DMRT1: variants seen among roughly 807,000 people sequenced by gnomAD.
The protein encoded by DMRT1 is doublesex and mab-3 related transcription factor 1.
Under a neutral mutation model 32.3 loss-of-function variants are expected in DMRT1, and 7 were observed. The observed-to-expected ratio is 0.22, with a 90% CI of 0.12 to 0.41. The LOEUF is 0.41. Ranked by LOEUF, DMRT1 falls within the 10% of genes least tolerant of loss-of-function variation. The probability of loss-of-function intolerance (pLI) is 1.00; values close to 1 mark genes in which losing one functional copy is unlikely to be tolerated. For synonymous variants in DMRT1, 278 were observed against 206.1 expected, an observed-to-expected ratio of 1.35 and a Z score of -2.99; for missense variants, 625 against 500.5, an observed-to-expected ratio of 1.25 and a Z score of -2.37.
At chr9:893,149 G>A (rs1029385412) in intron 2 of DMRT1, among the ~76,000 whole-genome samples, 2 of 152,180 alleles carry the variant, frequency 1.3e-5, no homozygotes, top group African/African-American at 2.4e-5. Context: ...GCTGGCAGAC[G>A]TTTCAGGCAC....
At chr9:950,073 A>C (rs1449435921) in intron 4 of DMRT1, among the ~76,000 whole-genome samples, 1 of 152,094 alleles carries the variant, frequency 6.6e-6, no homozygotes, top group Non-Finnish European at 1.5e-5. Context: ...TTGAATATAC[A>C]CTCAGAAGTA....
chr9:929,800 T>A (rs1187707046), intron 4 of DMRT1, among the ~76,000 whole-genome samples: 1 of 152,154 alleles, frequency 6.6e-6, no homozygotes, highest in Non-Finnish European at 1.5e-5. Context: ...CCCCAGGATG[T>A]AAACTGATGG....
intron 3 of DMRT1, among the ~76,000 whole-genome samples, chr9:899,383 C>A (rs1035952725): frequency 1.3e-5 from 2 of 152,098 alleles, no homozygotes; most frequent in African/African-American, 4.8e-5. Flanking sequence ...AACAAGCAAG[C>A]CACGAATAAT....
chr9:899,864 A>G (rs975794869), intron 3 of DMRT1, among the ~76,000 whole-genome samples: 63 of 152,140 alleles, frequency 4.1e-4, no homozygotes, highest in Admixed American at 1.1e-3. Flanking sequence ...TGCTTTTCCA[A>G]AGCTTGTGCC....
intron 4 of DMRT1, among the ~76,000 whole-genome samples, chr9:929,731 C>G (rs1299484812): frequency 6.6e-6 from 1 of 152,114 alleles, no homozygotes; most frequent in Non-Finnish European, 1.5e-5. Context: ...CCAGGCCTAA[C>G]AGTGACTCTT....
chr9:945,046 T>G (rs1044789585), intron 4 of DMRT1, among the ~76,000 whole-genome samples: 1 of 152,174 alleles, frequency 6.6e-6, no homozygotes, highest in Non-Finnish European at 1.5e-5. Flanking sequence ...TACTACAAGT[T>G]TTATCCACAA....
chr9:949,387 A>T (rs1358365663), intron 4 of DMRT1, among the ~76,000 whole-genome samples: 2 of 151,862 alleles, frequency 1.3e-5, no homozygotes, highest in African/African-American at 4.8e-5. Context: ...ACCCCAAAAA[A>T]CCCACAAAAA....
chr9:847,945 A>G (rs1355317622), intron 2 of DMRT1, among the ~76,000 whole-genome samples: 1 of 152,258 alleles, frequency 6.6e-6, no homozygotes, highest in African/African-American at 2.4e-5. Flanking sequence ...CATACTGGAT[A>G]ATGCATTGCT....
At chr9:955,852 G>A (rs1819583144) in intron 4 of DMRT1, among the ~76,000 whole-genome samples, 1 of 152,218 alleles carries the variant, frequency 6.6e-6, no homozygotes, top group Non-Finnish European at 1.5e-5. Flanking sequence ...GATGTGAAAT[G>A]ATGTTGTGGA....
rs527989346 is a variant in DMRT1, at chr9:893,759, C to T, written c.539-153C>T. Among the ~76,000 whole-genome samples the T allele has an allele frequency of 3.8e-3, 582 of 152,340 alleles. 4 individuals carry two copies. Among genetic ancestry groups the T allele is most frequent in the African/African-American group, 0.013 (539 of 41,580 alleles). Reference sequence around the variant, plus strand: ...GTGAAGCGAACCTTAGAAACTCTCCCTTATTTTGGCTATAGGAGAAGCAAC... The same window carrying T: ...GTGAAGCGAACCTTAGAAACTCTCCTTTATTTTGGCTATAGGAGAAGCAAC... On this transcript the variant is annotated intron_variant, in intron 2 of 4. Coordinates refer to ENST00000382276, the MANE Select transcript of DMRT1 (RefSeq NM_021951.3).
chr9:915,573 A>C (rs1818147911), intron 3 of DMRT1, among the ~76,000 whole-genome samples: 1 of 152,134 alleles, frequency 6.6e-6, no homozygotes, highest in Non-Finnish European at 1.5e-5. Flanking sequence ...AGTTAGCAGA[A>C]GCCAAATCAC....
At chr9:872,859 A>C (rs1423175593) in intron 2 of DMRT1, among the ~76,000 whole-genome samples, 1 of 152,178 alleles carries the variant, frequency 6.6e-6, no homozygotes, top group East Asian at 1.9e-4. Context: ...GGTTTTTCAA[A>C]AGCGGGTGCA....
intron 2 of DMRT1, among the ~76,000 whole-genome samples, chr9:864,794 C>A (rs1589468016): frequency 6.6e-6 from 1 of 152,104 alleles, no homozygotes; most frequent in Non-Finnish European, 1.5e-5. Flanking sequence ...GCCACCGTGC[C>A]CGCCAGCCAG....
At chr9:962,170 C>A (rs1183396101) in intron 4 of DMRT1, among the ~76,000 whole-genome samples, 6 of 152,190 alleles carry the variant, frequency 3.9e-5, no homozygotes, top group African/African-American at 1.2e-4. Context: ...AATGCGACAC[C>A]CCTGGACGGG....
chr9:923,556 T>G (rs1200016294), intron 4 of DMRT1, among the ~76,000 whole-genome samples: 1 of 152,204 alleles, frequency 6.6e-6, no homozygotes, highest in Non-Finnish European at 1.5e-5. Flanking sequence ...GGTGTTATCA[T>G]GACTTTCCCC....
intron 3 of DMRT1, among the ~76,000 whole-genome samples, chr9:915,159 G>A (rs1455556834): frequency 6.6e-6 from 1 of 152,194 alleles, no homozygotes; most frequent in African/African-American, 2.4e-5. Context: ...TTAAAAGCGA[G>A]TACCATCTAA....
chr9:867,701 T>C (rs913256160), intron 2 of DMRT1, among the ~76,000 whole-genome samples: 2 of 152,200 alleles, frequency 1.3e-5, no homozygotes, highest in Non-Finnish European at 2.9e-5. Context: ...TACATCGGGC[T>C]CCATTACTCT....
chr9:883,743 G>GATC (rs1442423695), intron 2 of DMRT1, among the ~76,000 whole-genome samples: 1 of 150,558 alleles, frequency 6.6e-6, no homozygotes, highest in Non-Finnish European at 1.5e-5. Context: ...CGTGAGCCAT[G>GATC]ATCACACCAC....
intron 3 of DMRT1, among the ~76,000 whole-genome samples, chr9:905,207 C>A (rs989302131): frequency 1.3e-5 from 2 of 152,206 alleles, no homozygotes; most frequent in East Asian, 1.9e-4. Context: ...GCCCTCAGCA[C>A]CCCCTCCTTG....
Sources: allele counts gnomAD v4.1 joint callset (sites outside exome capture counted in the v4.1 genomes callset), GRCh38; gene constraint gnomAD v4.1.1; transcripts MANE v1.5; gene names NCBI Gene and HGNC (gene_info 2026-07-23, HGNC 2026-07-21).